FAF2: variants seen among roughly 807,000 people sequenced by gnomAD.
FAF2 encodes Fas associated factor family member 2, also known as FAS-associated factor 2.
FAF2 carries 9 observed loss-of-function variants against 62.3 expected under a neutral mutation model. That is an observed-to-expected ratio of 0.14 (90% CI 0.09 to 0.25). The LOEUF (loss-of-function observed/expected upper bound fraction) is 0.25, where lower values mean the gene tolerates loss of function less well. FAF2 is among the 10% of genes least tolerant of loss of function. The probability of loss-of-function intolerance (pLI) is 1.00; values close to 1 mark genes in which losing one functional copy is unlikely to be tolerated. For missense variants in FAF2, 368 were observed against 556.2 expected (o/e 0.66, Z 3.40); for synonymous variants, 202 against 198.0 (o/e 1.02, Z -0.17).
intron 1 of FAF2, among the ~76,000 whole-genome samples, chr5:176,462,652 A>G: frequency 6.6e-6 from 1 of 152,166 alleles, no homozygotes; most frequent in Non-Finnish European, 1.5e-5. Context: ...GATGTTTAAT[A>G]AATAGTTGAA....
intron 1 of FAF2, among the ~76,000 whole-genome samples, chr5:176,470,674 C>T (rs1457005716): frequency 6.6e-6 from 1 of 152,236 alleles, no homozygotes; most frequent in East Asian, 1.9e-4. Context: ...ACCCAGGTAA[C>T]CAACCCTGTC....
intron 1 of FAF2, among the ~76,000 whole-genome samples, chr5:176,462,213 T>C (rs920280594): frequency 1.3e-5 from 2 of 151,590 alleles, no homozygotes; most frequent in African/African-American, 4.9e-5. Flanking sequence ...GAGACAGAGG[T>C]TGCAATGAGC....
rs13361274 is a variant in FAF2, at chr5:176,470,420, A to G, written c.64-8768A>G. Among the ~76,000 whole-genome samples the G allele has an allele frequency of 1.8e-3, 272 of 152,384 alleles. 1 individual carries two copies. The highest frequency in any genetic ancestry group is 5.8e-3 in the African/African-American group (240 of 41,598). ...TGGAGAAACCCGGTGTGCACTAAAAATGCAAAATTAGCGGGGCGTGGTGGC... is the reference window on the plus strand; with the variant it reads ...TGGAGAAACCCGGTGTGCACTAAAAGTGCAAAATTAGCGGGGCGTGGTGGC... On this transcript the variant is annotated intron_variant, in intron 1 of 10. Transcript: ENST00000261942.
intron 2 of FAF2, among the ~76,000 whole-genome samples, chr5:176,482,231 TTTTTGAGATGAAG>T (rs1758792201): frequency 6.6e-6 from 1 of 151,880 alleles, no homozygotes; most frequent in Non-Finnish European, 1.5e-5. Context: ...TTTTTTTTTT[TTTTTGAGATGAAG>T]TTTCACTCTG....
intron 3 of FAF2, among the ~76,000 whole-genome samples, chr5:176,488,049 G>T (rs1164759797): frequency 3.3e-5 from 5 of 152,038 alleles, no homozygotes; most frequent in African/African-American, 1.2e-4. Flanking sequence ...CACCATGTTG[G>T]CCAGGCTGGT....
Position 176,480,928 on chromosome 5 carries a change from G to A in FAF2, c.132+1672G>A, listed in dbSNP as rs1006654000. On this transcript the variant is annotated intron_variant, in intron 2 of 10. Transcript: ENST00000261942. ...CCTATGTAACAAACCTGCACATTCCGTACATGTATCCCAGAACTTAAAGTA... is the reference window on the plus strand; with the variant it reads ...CCTATGTAACAAACCTGCACATTCCATACATGTATCCCAGAACTTAAAGTA... Among the ~76,000 whole-genome samples, 35 of 152,016 alleles carry A rather than the reference G, an allele frequency of 2.3e-4. 1 individual carries two copies. Among genetic ancestry groups the A allele is most frequent in the African/African-American group, 6.0e-4 (25 of 41,444 alleles).
chr5:176,495,902 G>A lies in FAF2; in HGVS notation c.662-584G>A, dbSNP rs140276706. On this transcript the variant is annotated intron_variant, in intron 7 of 10. Coordinates refer to ENST00000261942, the MANE Select transcript of FAF2 (RefSeq NM_014613.3). ...ACGTGGGGAGAAAGGATAAGGAAAGGATTAGGCAAGAGAAAAAAAAATGAT... is the reference window on the plus strand; with the variant it reads ...ACGTGGGGAGAAAGGATAAGGAAAGAATTAGGCAAGAGAAAAAAAAATGAT... 2.6e-5 allele frequency among the ~76,000 whole-genome samples: 4 copies of A among 152,026 alleles called. No homozygotes were observed. The East Asian group carries it at 7.7e-4, about 29-fold the overall frequency.
chr5:176,451,795 TATACATATATATATACAC>T (rs1174533805), intron 1 of FAF2, among the ~76,000 whole-genome samples: 2 of 56,338 alleles, frequency 3.6e-5, no homozygotes, highest in African/African-American at 1.5e-4. Flanking sequence ...TGTATATATA[TATACATATATATATACAC>T]ACATATATAT....
At chr5:176,500,260 A>G (rs1451633711) in intron 10 of FAF2, 114 bp downstream of exon 10, 2 of 1,055,656 alleles carry the variant, frequency 1.9e-6, no homozygotes, top group Non-Finnish European at 2.8e-6. Context: ...TGAACAGGGA[A>G]CAGAGAGAGA....
chr5:176,479,806 C>T (rs1289783907), intron 2 of FAF2, among the ~76,000 whole-genome samples: 1 of 152,110 alleles, frequency 6.6e-6, no homozygotes, highest in Non-Finnish European at 1.5e-5. Flanking sequence ...AAGCGATTCT[C>T]CTACCTCAGC....
chr5:176,453,906 A>T (rs1758229147), intron 1 of FAF2, among the ~76,000 whole-genome samples: 1 of 151,582 alleles, frequency 6.6e-6, no homozygotes, highest in African/African-American at 2.4e-5. Flanking sequence ...ATACAAAAAA[A>T]TTAGCTGGGC....
chr5:176,455,442 CTG>C (rs1177290520), intron 1 of FAF2, among the ~76,000 whole-genome samples: 7 of 150,624 alleles, frequency 4.6e-5, no homozygotes, highest in South Asian at 2.1e-4. Context: ...GAGTGAGACC[CTG>C]TCTCAAAAAA....
chr5:176,498,467 A>T (rs1268558834), intron 8 of FAF2, among the ~76,000 whole-genome samples: 1 of 152,182 alleles, frequency 6.6e-6, no homozygotes, highest in East Asian at 1.9e-4. Context: ...TTGATTAGTG[A>T]TTCTCTGAAT....
At chr5:176,449,663 C>T (rs891299661) in intron 1 of FAF2, among the ~76,000 whole-genome samples, 1 of 152,016 alleles carries the variant, frequency 6.6e-6, no homozygotes, top group Non-Finnish European at 1.5e-5. Context: ...TGCAAAATGC[C>T]CCCAAATAGT....
chr5:176,507,209 C>A lies in FAF2; in HGVS notation c.*259C>A. 2.6e-6 allele frequency: 1 copy of A among 389,902 alleles called. No individual in the cohort carries two copies. The highest frequency in any genetic ancestry group is 5.1e-6 in the Non-Finnish European group (1 of 194,940). The allele number at this position is 389,902 out of a possible 1,614,324, so 24.2% of individuals were successfully genotyped here. On this transcript the variant is annotated 3_prime_UTR_variant, in exon 11 of 11. Coordinates refer to ENST00000261942, the MANE Select transcript of FAF2 (RefSeq NM_014613.3). ...CTTGGCAAGCCCACCCTTCCTGTGG[C>A]CTCTGTGCACGCACCTTCCAGTGAA...
chr5:176,453,870 A>T (rs964644594), intron 1 of FAF2, among the ~76,000 whole-genome samples: 1 of 151,850 alleles, frequency 6.6e-6, no homozygotes, highest in African/African-American at 2.4e-5. Context: ...CCTAGACAAC[A>T]TGGTGAAACC....
intron 1 of FAF2, among the ~76,000 whole-genome samples, chr5:176,451,884 ATATATATATTTTTTTT>A (rs1758189475): frequency 7.1e-5 from 2 of 28,340 alleles, no homozygotes; most frequent in African/African-American, 3.2e-4. Flanking sequence ...ACATATATAT[ATATATATATTTTTTTT>A]TTTTTTTTTT....
intron 10 of FAF2, among the ~76,000 whole-genome samples, chr5:176,501,126 A>AT (rs1336369307): frequency 6.7e-6 from 1 of 150,158 alleles, no homozygotes; most frequent in African/African-American, 2.4e-5. Flanking sequence ...CTGTAAAAAA[A>AT]AAAAATAAAT....
In FAF2 at chr5:176,496,510, C is replaced by G; in HGVS notation, c.686C>G (p.Thr229Ser). 1 of 1,604,658 alleles carries G rather than the reference C, an allele frequency of 6.2e-7. No individual in the cohort carries two copies. The highest frequency in any genetic ancestry group is 8.5e-7 in the Non-Finnish European group (1 of 1,175,872). ...GTCTCACAGGCTTTACGAGAGAACA[C>G]CTATCCATTCCTGGCCATGATTATG... ...YRVSQALREN[T>S]YPFLAMIMLK... The change falls in exon 8 of 11, where the codon ACC becomes AGC. Residue 229 changes from threonine (T) to serine (S), a missense_variant. Coordinates refer to ENST00000261942, the MANE Select transcript of FAF2 (RefSeq NM_014613.3).
Sources: gnomAD v4.1 joint callset for allele counts (sites outside exome capture counted in the v4.1 genomes callset) on GRCh38, gnomAD v4.1.1 for gene constraint, MANE v1.5 for transcripts, NCBI Gene and HGNC (gene_info 2026-07-23, HGNC 2026-07-21) for gene names.